RAD51B: variants seen among roughly 807,000 people sequenced by gnomAD.
The protein encoded by RAD51B is DNA repair protein RAD51 homolog 2.
RAD51B carries 38 observed loss-of-function variants against 42.2 expected under a neutral mutation model. That is an observed-to-expected ratio of 0.90 (90% CI 0.70 to 1.18). The LOEUF is 1.18. RAD51B is among the 50% of genes most tolerant of loss of function. The probability of loss-of-function intolerance (pLI) is 0.00; values close to 1 mark genes in which losing one functional copy is unlikely to be tolerated. For missense variants in RAD51B, 373 were observed against 400.7 expected (o/e 0.93, Z 0.59); for synonymous variants, 154 against 145.2 (o/e 1.06, Z -0.43).
At position 68,610,926 on chromosome 14, in the gene RAD51B, T is replaced by C. The variant is rs1324008130; in HGVS notation, c.1037-80T>C. 4 of 663,012 alleles carry C rather than the reference T, an allele frequency of 6.0e-6. No individual in the cohort carries two copies. In the African/African-American group the frequency reaches 7.1e-5, roughly 12 times the overall value. The allele number at this position is 663,012 out of a possible 1,614,324, so 41.1% of individuals were successfully genotyped here. On this transcript the variant is annotated intron_variant, in intron 10 of 10. Coordinates refer to the RAD51B transcript ENST00000487861. ...TGTAACCCTGCAGGCCATGAACAGTTATTATTCAATGTTGTTTCCTACACA... is the reference window on the plus strand; with the variant it reads ...TGTAACCCTGCAGGCCATGAACAGTCATTATTCAATGTTGTTTCCTACACA...
intron 7 of RAD51B, among the ~76,000 whole-genome samples, chr14:67,945,922 C>A (rs979840303): frequency 1.3e-5 from 2 of 152,078 alleles, no homozygotes; most frequent in African/African-American, 4.8e-5. Context: ...GTTTCATAAC[C>A]CTTAAAAGGT....
chr14:68,067,325 G>C (rs554056409), intron 7 of RAD51B, among the ~76,000 whole-genome samples: 17 of 151,538 alleles, frequency 1.1e-4, no homozygotes, highest in Non-Finnish European at 2.1e-4. Context: ...TTAGCCAGGC[G>C]TGGTGGCAGG....
chr14:68,112,080 G>A (rs1032327034), intron 7 of RAD51B, among the ~76,000 whole-genome samples: 10 of 152,092 alleles, frequency 6.6e-5, no homozygotes, highest in Admixed American at 6.6e-4. Context: ...ATTACATGGA[G>A]TTACCTTTAA....
At chr14:68,201,312 A>G (rs1263511602) in intron 7 of RAD51B, among the ~76,000 whole-genome samples, 1 of 152,248 alleles carries the variant, frequency 6.6e-6, no homozygotes, top group African/African-American at 2.4e-5. Flanking sequence ...AAGTAAACAT[A>G]TCTACCTGAA....
intron 7 of RAD51B, among the ~76,000 whole-genome samples, chr14:68,270,604 A>G (rs2081086040): frequency 6.6e-6 from 1 of 152,184 alleles, no homozygotes; most frequent in Non-Finnish European, 1.5e-5. Context: ...GTGTAATTTT[A>G]TGGGAATAGT....
chr14:67,939,585 G>T (rs769133507), intron 7 of RAD51B, among the ~76,000 whole-genome samples: 39 of 152,192 alleles, frequency 2.6e-4, no homozygotes, highest in Non-Finnish European at 5.1e-4. Context: ...CACTGGGATT[G>T]TGTTTTTAGT....
chr14:67,873,251 A>G (rs2042605536), intron 5 of RAD51B, among the ~76,000 whole-genome samples: 1 of 152,098 alleles, frequency 6.6e-6, no homozygotes, highest in African/African-American at 2.4e-5. Flanking sequence ...AGAAAAAAAC[A>G]AACAACCCCA....
At chr14:67,966,267 G>A (rs570143826) in intron 7 of RAD51B, among the ~76,000 whole-genome samples, 1 of 152,244 alleles carries the variant, frequency 6.6e-6, no homozygotes, top group South Asian at 2.1e-4. Context: ...CCAGGATAGA[G>A]CCAGAGATGA....
intron 10 of RAD51B, among the ~76,000 whole-genome samples, chr14:68,648,972 G>A (rs1441037211): frequency 6.6e-6 from 1 of 152,122 alleles, no homozygotes; most frequent in Non-Finnish European, 1.5e-5. Flanking sequence ...ATGACCAAGA[G>A]TCCAGTGTGC....
At chr14:68,116,813 C>T (rs1468671275) in intron 7 of RAD51B, among the ~76,000 whole-genome samples, 1 of 152,136 alleles carries the variant, frequency 6.6e-6, no homozygotes, top group Non-Finnish European at 1.5e-5. Context: ...TATAAAGCTA[C>T]AGGCAAGAAA....
chr14:67,825,613 G>T, intron 3 of RAD51B, 36 bp downstream of exon 3: 4 of 1,472,322 alleles, frequency 2.7e-6, no homozygotes, highest in Non-Finnish European at 3.7e-6. Flanking sequence ...GATTATGAAT[G>T]ATTCCTCATC....
chr14:67,826,136 C>G (rs2040826116), intron 3 of RAD51B, among the ~76,000 whole-genome samples: 1 of 151,978 alleles, frequency 6.6e-6, no homozygotes, highest in African/African-American at 2.4e-5. Flanking sequence ...TAGCCAATAG[C>G]AGTAGTTCAA....
At chr14:68,479,725 G>A (rs934926787), downstream of RAD51B, among the ~76,000 whole-genome samples, 1 of 130,288 alleles carries the variant, frequency 7.7e-6, no homozygotes, top group Admixed American at 8.9e-5. Context: ...CTGGAGTACA[G>A]CAGTGCTATC....
chr14:68,266,503 G>C (rs1241696573), intron 7 of RAD51B, among the ~76,000 whole-genome samples: 4 of 152,202 alleles, frequency 2.6e-5, no homozygotes, highest in African/African-American at 7.2e-5. Context: ...TGCTTCAGAG[G>C]GAAAGGCAAG....
At chr14:67,953,979 AAAG>A (rs1442762966) in intron 7 of RAD51B, among the ~76,000 whole-genome samples, 1 of 152,114 alleles carries the variant, frequency 6.6e-6, no homozygotes, top group East Asian at 1.9e-4. Flanking sequence ...GAATAGAAGA[AAAG>A]AAGGTGGCAG....
At chr14:67,871,203 GA>G (rs1380472541) in intron 5 of RAD51B, among the ~76,000 whole-genome samples, 5 of 151,660 alleles carry the variant, frequency 3.3e-5, no homozygotes, top group African/African-American at 4.9e-5. Context: ...GACTAATAAA[GA>G]AAAAAAGAGA....
At position 68,540,302 on chromosome 14, in the gene RAD51B, C is replaced by T. The variant is rs983807996; in HGVS notation, c.1037-54183C>T. 67 of 1,042,018 alleles carry T rather than the reference C, an allele frequency of 6.4e-5. No individual in the cohort carries two copies. The African/African-American group carries it at 1.1e-3, about 17-fold the overall frequency. 64.5% of individuals were successfully genotyped at this position (1,042,018 alleles called of 1,614,324 possible). A position where few individuals can be genotyped will look rare whatever the true frequency, so the allele number is the denominator to read the frequency against. On this transcript the variant is annotated intron_variant, in intron 10 of 10. Coordinates refer to the RAD51B transcript ENST00000487270. ...GAGCCTAGGACTCTACTGCAGACCA[C>T]ACCACAACACTGTTGGATCATCAGA...
intron 3 of RAD51B, among the ~76,000 whole-genome samples, chr14:67,826,857 GTT>G (rs1314891076): frequency 6.6e-6 from 1 of 151,852 alleles, no homozygotes; most frequent in Non-Finnish European, 1.5e-5. Flanking sequence ...TACGTTTTGT[GTT>G]TTTTGTAGAG....
chr14:68,415,841 T>A (rs2084543540), intron 9 of RAD51B, among the ~76,000 whole-genome samples: 1 of 152,184 alleles, frequency 6.6e-6, no homozygotes, highest in Non-Finnish European at 1.5e-5. Context: ...AAACTACAAA[T>A]GGGATTATAT....
Sources: gnomAD v4.1 joint callset for allele counts (sites outside exome capture counted in the v4.1 genomes callset) on GRCh38, gnomAD v4.1.1 for gene constraint, MANE v1.5 for transcripts, NCBI Gene and HGNC (gene_info 2026-07-23, HGNC 2026-07-21) for gene names.